The following SRGAP2 variants were observed in gnomAD, a reference collection of about 807,000 sequenced individuals.
SRGAP2 encodes the protein SLIT-ROBO Rho GTPase-activating protein 2.
In SRGAP2, 15 loss-of-function variants were observed where a neutral mutation model predicts 57.2. The ratio of observed to expected loss-of-function variants is 0.26; its 90% CI spans 0.18 to 0.40. SRGAP2 has a LOEUF of 0.40. Among genes scored for constraint, SRGAP2 ranks in the 10% least tolerant of loss-of-function variants. SRGAP2 has a pLI of 1.00. For synonymous variants in SRGAP2, 249 were observed against 248.0 expected (o/e 1.00, Z -0.04); for missense variants, 520 against 669.6 (o/e 0.78, Z 2.47).
intron 2 of SRGAP2, among the ~76,000 whole-genome samples, chr1:206,226,754 G>A (rs1401150218): frequency 6.6e-6 from 1 of 152,186 alleles, no homozygotes; most frequent in African/African-American, 2.4e-5. Context: ...GCTCAAGTAT[G>A]TTTGTTAAAG....
chr1:206,312,702 C>G (rs764601267), intron 3 of SRGAP2, among the ~76,000 whole-genome samples: 3 of 152,194 alleles, frequency 2.0e-5, no homozygotes, highest in Non-Finnish European at 2.9e-5. Flanking sequence ...CATGGCTTCC[C>G]CCATCCCTGT....
At chr1:206,232,093 G>C (rs1278831467) in intron 2 of SRGAP2, among the ~76,000 whole-genome samples, 2 of 151,420 alleles carry the variant, frequency 1.3e-5, no homozygotes, top group Non-Finnish European at 2.9e-5. Context: ...GCTTCAGAAT[G>C]GTATCTGCCC....
intron 2 of SRGAP2, among the ~76,000 whole-genome samples, chr1:206,286,293 G>A (rs1479168620): frequency 2.6e-5 from 4 of 151,884 alleles, no homozygotes; most frequent in African/African-American, 9.7e-5. Flanking sequence ...ACTAGATAAT[G>A]CATCTCTCCT....
At chr1:206,428,182 C>T (rs995818380) in intron 13 of SRGAP2, among the ~76,000 whole-genome samples, 2 of 151,864 alleles carry the variant, frequency 1.3e-5, no homozygotes. Context: ...TTTGGGAGGC[C>T]GAGACAGGCG....
At chr1:206,442,010 G>A (rs1553372218) in intron 17 of SRGAP2, among the ~76,000 whole-genome samples, 1 of 152,210 alleles carries the variant, frequency 6.6e-6, no homozygotes, top group Non-Finnish European at 1.5e-5. Context: ...TGAAAATGAG[G>A]AGCCTTCTAC....
chr1:206,344,718 C>A (rs1304947012), intron 4 of SRGAP2, among the ~76,000 whole-genome samples: 3 of 148,906 alleles, frequency 2.0e-5, no homozygotes, highest in Non-Finnish European at 4.5e-5. Context: ...AATTTAATAG[C>A]CTCTCCAGAT....
At chr1:206,354,216 A>G (rs192076501) in intron 4 of SRGAP2, among the ~76,000 whole-genome samples, 1 of 152,318 alleles carries the variant, frequency 6.6e-6, no homozygotes, top group African/African-American at 2.4e-5. Flanking sequence ...CATAGATAAT[A>G]TGTCATAGAA....
At chr1:206,270,517 A>G (rs1169431680) in intron 2 of SRGAP2, among the ~76,000 whole-genome samples, 1,618 of 140,868 alleles carry the variant, frequency 0.011, 70 homozygotes, top group African/African-American at 0.044. Context: ...TTTATTCTGT[A>G]GATACACCCA....
At chr1:206,428,296 A>G (rs1265487450) in intron 13 of SRGAP2, among the ~76,000 whole-genome samples, 7 of 151,600 alleles carry the variant, frequency 4.6e-5, no homozygotes, top group African/African-American at 1.5e-4. Flanking sequence ...AGGTGCCTGT[A>G]TTCCCAGCTA....
intron 2 of SRGAP2, among the ~76,000 whole-genome samples, chr1:206,234,520 C>T (rs1478026998): frequency 6.6e-6 from 1 of 152,196 alleles, no homozygotes; most frequent in African/African-American, 2.4e-5. Flanking sequence ...TCTTCTTTCC[C>T]CTACAGGGGC....
At chr1:206,357,572 G>A (rs1451024282) in intron 4 of SRGAP2, among the ~76,000 whole-genome samples, 1 of 146,748 alleles carries the variant, frequency 6.8e-6, no homozygotes, top group Non-Finnish European at 1.5e-5. Context: ...TGGTTCTTTG[G>A]CTATGTTGTC....
intron 5 of SRGAP2, among the ~76,000 whole-genome samples, chr1:206,389,215 C>A (rs1553349513): frequency 8.0e-6 from 1 of 124,736 alleles, no homozygotes; most frequent in East Asian, 2.2e-4. Context: ...TGCTCTGTTG[C>A]CCAGGCTGGA....
intron 5 of SRGAP2, among the ~76,000 whole-genome samples, chr1:206,391,114 A>G (rs1553350294): frequency 1.3e-5 from 2 of 151,304 alleles, no homozygotes; most frequent in East Asian, 3.9e-4. Context: ...CCTGACCTCT[A>G]ACTACTAGAT....
intron 4 of SRGAP2, among the ~76,000 whole-genome samples, chr1:206,373,001 CTTT>C (rs1654811894): frequency 9.9e-6 from 1 of 100,586 alleles, no homozygotes; most frequent in Non-Finnish European, 2.0e-5. Flanking sequence ...TTCTTTCTTT[CTTT>C]CTTTCTTTCT....
intron 2 of SRGAP2, among the ~76,000 whole-genome samples, chr1:206,260,905 A>G (rs1212412867): frequency 6.6e-6 from 1 of 152,212 alleles, no homozygotes; most frequent in Non-Finnish European, 1.5e-5. Context: ...ATAAATTCCC[A>G]ATTACTCGTA....
intron 2 of SRGAP2, among the ~76,000 whole-genome samples, chr1:206,213,809 C>T (rs1666464061): frequency 6.6e-6 from 1 of 151,850 alleles, no homozygotes; most frequent in African/African-American, 2.4e-5. Flanking sequence ...ATCCCAGCTA[C>T]TCAGGAGGCT....
intron 2 of SRGAP2, among the ~76,000 whole-genome samples, chr1:206,267,203 C>T (rs1280324137): frequency 5.3e-5 from 8 of 152,010 alleles, no homozygotes; most frequent in African/African-American, 1.4e-4. Context: ...CTCCTGACCT[C>T]GTGATCCGCC....
chr1:206,424,866 C>G (rs1660656087), intron 13 of SRGAP2, among the ~76,000 whole-genome samples: 1 of 152,226 alleles, frequency 6.6e-6, no homozygotes, highest in African/African-American at 2.4e-5. Flanking sequence ...CTACTGGACT[C>G]TTAGACTCCA....
chr1:206,418,924 GTGTGTGTGTGTGTA>G (rs1660031793), intron 11 of SRGAP2, among the ~76,000 whole-genome samples: 3 of 150,774 alleles, frequency 2.0e-5, no homozygotes, highest in East Asian at 3.9e-4. Flanking sequence ...GTGTGTGTGT[GTGTGTGTGTGTGTA>G]TACTCAGGAG....
Sources: allele counts gnomAD v4.1 joint callset (sites outside exome capture counted in the v4.1 genomes callset), GRCh38; gene constraint gnomAD v4.1.1; transcripts MANE v1.5; gene names NCBI Gene and HGNC (gene_info 2026-07-23, HGNC 2026-07-21).